The following APBB1 variants were observed in gnomAD, a reference collection of about 807,000 sequenced individuals.
APBB1 encodes adaptor protein FE65a2.
In APBB1, 22 loss-of-function variants were observed where a neutral mutation model predicts 78.4. The observed-to-expected ratio is 0.28, with a 90% CI of 0.20 to 0.40. APBB1 has a LOEUF of 0.40. Ranked by LOEUF, APBB1 falls within the 10% of genes least tolerant of loss-of-function variation. The pLI is 1.00. For missense variants in APBB1, 749 were observed against 932.4 expected, an observed-to-expected ratio of 0.80 and a Z score of 2.56; for synonymous variants, 369 against 372.7, an observed-to-expected ratio of 0.99 and a Z score of 0.12.
rs917874466 is a variant in APBB1 at position 6,401,352 on chromosome 11, A to G, written c.1581T>C (p.Pro527=). ...SLDHSKLVDV[P]FQVEFPAPKN... Reference sequence around the variant, plus strand: ...AGGGGTTTTGACACTGACCTTGGAAAGGGACATCCACAAGTTTAGAGTGGT... The same window carrying G: ...AGGGGTTTTGACACTGACCTTGGAAGGGGACATCCACAAGTTTAGAGTGGT... The change falls in exon 11 of 15, where the codon CCT becomes CCC. Residue 527 remains proline (P), a synonymous_variant. Transcript: ENST00000609360. This position sits in a 1 kb window ranked among gnomAD's most constrained non-coding sequence, Gnocchi z 4.5. The G allele has an allele frequency of 4.3e-6, 7 of 1,614,188 alleles. No homozygotes were observed. The highest frequency in any genetic ancestry group is 5.1e-6 in the Non-Finnish European group (6 of 1,180,048).
chr11:6,401,545 A>G lies in APBB1; in HGVS notation c.1503+29T>C. ...ACACCCTTGTAGAGCAAAGGTGGCA[A>G]CTAGTCCAGGGAGTGGAGGGGGCCG... On this transcript the variant is annotated intron_variant, in intron 10 of 14. Transcript: ENST00000609360. This position sits in a 1 kb window ranked among gnomAD's most constrained non-coding sequence, Gnocchi z 4.5. 6.2e-7 allele frequency: 1 copy of G among 1,614,116 alleles called. No homozygotes were observed. Among genetic ancestry groups the G allele is most frequent in the South Asian group, 1.1e-5 (1 of 91,064 alleles).
intron 2 of APBB1, among the ~76,000 whole-genome samples, chr11:6,406,977 C>T (rs1848825036): frequency 6.6e-6 from 1 of 152,218 alleles, no homozygotes; most frequent in Non-Finnish European, 1.5e-5. Flanking sequence ...AGGCCTGGAG[C>T]AGAGTATGAA....
chr11:6,410,723 G>C lies in APBB1; in HGVS notation c.625C>G (p.Leu209Val), dbSNP rs1848936226. ...GCTGCACTGTTCCGCATGCCAAACA[G>C]GAGGCTGGCACTCTTGCTGTGTTCC... ...PREHSKSASLLFGMRNSAASD... is the reference protein window; with the variant it reads ...PREHSKSASLVFGMRNSAASD... Residue 209 changes from leucine (L) to valine (V), a missense_variant, in exon 2 of 15, where the codon CTG (leucine) becomes GTG (valine). Around this residue, in one of 3 missense-constraint regions of APBB1, gnomAD observed 635 missense variants for 765.0 expected, o/e 0.83. Coordinates refer to ENST00000609360, the MANE Select transcript of APBB1 (RefSeq NM_001164.5). 6.4e-7 allele frequency: 1 copy of C among 1,557,762 alleles called. No homozygotes were observed. The highest frequency in any genetic ancestry group is 8.7e-7 in the Non-Finnish European group (1 of 1,152,276).
Position 6,395,852 on chromosome 11 carries a change from G to C in APBB1, c.1899C>G (p.Cys633Trp), listed in dbSNP as rs768775691. 1 of 1,614,138 alleles carries C rather than the reference G, an allele frequency of 6.2e-7. No individual in the cohort carries two copies. ...TGGGCTCGCACCAGAACATGTGGCA[G>C]CAGAAGGAGGCTGGGCCGGCAGCCA... ...FIMAAGPASF[C>W]CHMFWCEPNA... Residue 633 changes from cysteine to tryptophan, a missense_variant, in exon 14 of 15, where the codon TGC (cysteine) becomes TGG (tryptophan). Transcript: ENST00000609360. The surrounding 1 kb of genome is among the most constrained non-coding windows in gnomAD (Gnocchi z 5.2).
Position 6,402,164 on chromosome 11 carries a change from C to T in APBB1, c.1300G>A (p.Val434Met), listed in dbSNP as rs1250030189. ...AGCAGTGCCTGGCTCTGTGGCTCCA[C>T]TAGCTTTAGTGTCTCATCCTCCAGC... ...LQLEDETLKL[V>M]EPQSQALLHA... The change falls in exon 8 of 15, where the codon GTG (valine) becomes ATG (methionine). Residue 434 changes from valine (V) to methionine (M), a missense_variant. Transcript: ENST00000609360. The T allele has an allele frequency of 3.7e-6, 6 of 1,614,012 alleles. No homozygotes were observed. The highest frequency in any genetic ancestry group is 3.4e-6 in the Non-Finnish European group (4 of 1,180,036).
chr11:6,411,291 G>T lies in APBB1; in HGVS notation c.57C>A (p.Gly19=). 6.4e-7 allele frequency: 1 copy of T among 1,568,378 alleles called. No homozygotes were observed. The part of the protein sequence containing the change: ...QSAINANSHG[G]PALSLPLPLH... ...GAGGCAGGGGTAGGCTCAGTGCGGGGCCTCCGTGGCTGTTGGCATTAATGG... is the reference window on the plus strand; with the variant it reads ...GAGGCAGGGGTAGGCTCAGTGCGGGTCCTCCGTGGCTGTTGGCATTAATGG... The change falls in exon 2 of 15, where the codon GGC becomes GGA. Residue 19 remains glycine, a synonymous_variant. Transcript: ENST00000609360. This position sits in a 1 kb window ranked among gnomAD's most constrained non-coding sequence, Gnocchi z 5.2.
intron 2 of APBB1, among the ~76,000 whole-genome samples, chr11:6,409,880 A>G (rs763349078): frequency 1.6e-4 from 25 of 152,110 alleles, no homozygotes; most frequent in Non-Finnish European, 2.9e-4. Flanking sequence ...CCCCTACCCA[A>G]AGGGTTTTCT....
At position 6,399,941 on chromosome 11, in the gene APBB1, T is replaced by C. The variant is rs140794267; in HGVS notation, c.1672+1048A>G. On this transcript the variant is annotated intron_variant, in intron 12 of 14. Coordinates refer to ENST00000609360, the MANE Select transcript of APBB1 (RefSeq NM_001164.5). ...GACCGCATTCACTTCTACTTATTTT[T>C]TGGATTTCAGTTCAAATGTCACTTT... 4.2e-3 allele frequency among the ~76,000 whole-genome samples: 639 copies of C among 152,128 alleles called. 4 individuals carry two copies. The highest frequency in any genetic ancestry group is 0.014 in the African/African-American group (589 of 41,470).
In APBB1 at chr11:6,411,407, C is replaced by G. The variant is rs1848962673; in HGVS notation, c.-14-46G>C. 1 of 1,482,430 alleles carries G rather than the reference C, an allele frequency of 6.7e-7. No homozygotes were observed. 91.8% of individuals were successfully genotyped at this position (1,482,430 alleles called of 1,614,324 possible). On this transcript the variant is annotated intron_variant, in intron 1 of 14. Coordinates refer to ENST00000609360, the MANE Select transcript of APBB1 (RefSeq NM_001164.5). This position sits in a 1 kb window ranked among gnomAD's most constrained non-coding sequence, Gnocchi z 5.2. ...ATGCTGTTGAGCCTCTGGTCCAGAA[C>G]AGCAGCATCACTGCTTCTGCCCCAG...
In APBB1 at chr11:6,402,121, A is replaced by G. The variant is rs776918506; in HGVS notation, c.1343T>C (p.Ile448Thr). 1 of 1,614,148 alleles carries G rather than the reference A, an allele frequency of 6.2e-7. No individual in the cohort carries two copies. The highest frequency in any genetic ancestry group is 1.1e-5 in the South Asian group (1 of 91,082). Reference protein sequence around the residue: ...SQALLHAQPIISIRVWGVGRD... With the variant: ...SQALLHAQPITSIRVWGVGRD... Reference sequence around the variant, plus strand: ...CCCGACGCCCCACACGCGGATGCTGATGATGGGTTGGGCGTGCAGCAGTGC... The same window carrying G: ...CCCGACGCCCCACACGCGGATGCTGGTGATGGGTTGGGCGTGCAGCAGTGC... Residue 448 changes from isoleucine to threonine, a missense_variant, in exon 8 of 15, where the codon ATC becomes ACC. Coordinates refer to ENST00000609360, the MANE Select transcript of APBB1 (RefSeq NM_001164.5).
intron 1 of APBB1, among the ~76,000 whole-genome samples, chr11:6,413,035 C>T (rs1053750500): frequency 6.6e-6 from 1 of 152,076 alleles, no homozygotes; most frequent in Non-Finnish European, 1.5e-5. Context: ...TCCATCCTCC[C>T]CACTCTCCCT....
chr11:6,398,220 T>C (rs1487376619), intron 12 of APBB1, among the ~76,000 whole-genome samples: 1 of 151,906 alleles, frequency 6.6e-6, no homozygotes, highest in East Asian at 1.9e-4. Flanking sequence ...TGCTTTTCTC[T>C]TCTTTTTTTT....
chr11:6,401,865 T>C lies in APBB1; in HGVS notation c.1388+112A>G. ...GGGTAGACAGGCAAGCATGCTGAGG[T>C]GGAGGGTAATGGTGGAGCATAGCGG... On this transcript the variant is annotated intron_variant, in intron 9 of 14. Coordinates refer to ENST00000609360, the MANE Select transcript of APBB1 (RefSeq NM_001164.5). This position sits in a 1 kb window ranked among gnomAD's most constrained non-coding sequence, Gnocchi z 4.5. 6.8e-7 allele frequency: 1 copy of C among 1,472,368 alleles called. No homozygotes were observed. The highest frequency in any genetic ancestry group is 9.3e-7 in the Non-Finnish European group (1 of 1,080,282). 91.2% of individuals were successfully genotyped at this position (1,472,368 alleles called of 1,614,324 possible). A position where few individuals can be genotyped will look rare whatever the true frequency, so the allele number is the denominator to read the frequency against.
Position 6,403,449 on chromosome 11 carries a change from C to G in APBB1, c.954+39G>C. The G allele has an allele frequency of 6.2e-7, 1 of 1,614,172 alleles. No individual in the cohort carries two copies. Among genetic ancestry groups the G allele is most frequent in the Non-Finnish European group, 8.5e-7 (1 of 1,179,976 alleles). ...AATCAGTATCAAAATGATGCCCCTC[C>G]TCCAGCTATCCCGTGGTAAAGCAGG... On this transcript the variant is annotated intron_variant, in intron 4 of 14. Coordinates refer to ENST00000609360, the MANE Select transcript of APBB1 (RefSeq NM_001164.5). This position sits in a 1 kb window ranked among gnomAD's most constrained non-coding sequence, Gnocchi z 5.3.
chr11:6,398,272 C>G (rs1848331407), intron 12 of APBB1, among the ~76,000 whole-genome samples: 1 of 152,016 alleles, frequency 6.6e-6, no homozygotes, highest in Non-Finnish European at 1.5e-5. Flanking sequence ...ATGGTTTACT[C>G]ATTTTATTGT....
chr11:6,400,961 G>A lies in APBB1; in HGVS notation c.1672+28C>T, dbSNP rs1848468824. 5.6e-6 allele frequency: 9 copies of A among 1,601,654 alleles called. No homozygotes were observed. In the East Asian group the frequency reaches 2.0e-4, roughly 36 times the overall value. The stretch of plus-strand genomic sequence containing the variant: ...GCAGAGTTTTAGGATCAAGGTAGCA[G>A]CCCCTGGGTATAGAAGGACACACAT... On this transcript the variant is annotated intron_variant, in intron 12 of 14. Coordinates refer to ENST00000609360, the MANE Select transcript of APBB1 (RefSeq NM_001164.5).
intron 12 of APBB1, among the ~76,000 whole-genome samples, chr11:6,399,925 C>T (rs146471078): frequency 2.0e-5 from 3 of 149,202 alleles, no homozygotes; most frequent in Non-Finnish European, 4.5e-5. Flanking sequence ...TGACCGCATT[C>T]ACTTCTACTT....
At position 6,401,832 on chromosome 11, in the gene APBB1, G is replaced by A. The variant is rs374827185; in HGVS notation, c.1389-144C>T. 5.3e-5 allele frequency: 75 copies of A among 1,423,034 alleles called. No individual in the cohort carries two copies. Among genetic ancestry groups the A allele is most frequent in the Admixed American group, 1.3e-4 (7 of 52,728 alleles). 88.2% of individuals were successfully genotyped at this position (1,423,034 alleles called of 1,614,324 possible). A position where few individuals can be genotyped will look rare whatever the true frequency, so the allele number is the denominator to read the frequency against. ...GTCCCCCATAGGTGCTGCCTTCTTG[G>A]GGGGGAGGGGTAGACAGGCAAGCAT... On this transcript the variant is annotated intron_variant, in intron 9 of 14. Coordinates refer to ENST00000609360, the MANE Select transcript of APBB1 (RefSeq NM_001164.5). This position sits in a 1 kb window ranked among gnomAD's most constrained non-coding sequence, Gnocchi z 4.5.
intron 2 of APBB1, among the ~76,000 whole-genome samples, chr11:6,406,864 G>A (rs1280439653): frequency 6.6e-6 from 1 of 152,168 alleles, no homozygotes. Flanking sequence ...TCATCGCACT[G>A]ATCATAACCA....
Sources: gnomAD v4.1 joint callset for allele counts (sites outside exome capture counted in the v4.1 genomes callset) on GRCh38, gnomAD v4.1.1 for gene constraint, gnomAD v4.1.1 regional missense constraint, Gnocchi (gnomAD v3.1) non-coding constraint, MANE v1.5 for transcripts, NCBI Gene and HGNC (gene_info 2026-07-23, HGNC 2026-07-21) for gene names.